Variants in CLCN2 observed in about 807,000 individuals in gnomAD.
The protein encoded by CLCN2 is chloride voltage-gated channel 2.
In CLCN2, 72 loss-of-function variants were observed where a neutral mutation model predicts 108.3. That is an observed-to-expected ratio of 0.66 (90% confidence interval 0.55 to 0.81). The LOEUF is 0.81. Ranked by LOEUF, CLCN2 falls within the 30% of genes least tolerant of loss-of-function variation. CLCN2 has a pLI of 0.00. For missense variants in CLCN2, 1,048 were observed against 1,205.2 expected, an observed-to-expected ratio of 0.87 and a Z score of 1.93; for synonymous variants, 471 against 467.1, an observed-to-expected ratio of 1.01 and a Z score of -0.11.
At position 184,346,192 on chromosome 3, in the gene CLCN2, T is replaced by C; in HGVS notation, c.*414A>G. The C allele has an allele frequency of 4.3e-6, 1 of 232,916 alleles. No homozygotes were observed. The highest frequency in any genetic ancestry group is 6.3e-5 in the South Asian group (1 of 15,968). 14.4% of individuals were successfully genotyped at this position (232,916 alleles called of 1,614,324 possible). A position where few individuals can be genotyped will look rare whatever the true frequency, so the allele number is the denominator to read the frequency against. On this transcript the variant is annotated 3_prime_UTR_variant, in exon 24 of 24. Coordinates refer to ENST00000265593, the MANE Select transcript of CLCN2 (RefSeq NM_004366.6). This position sits in a 1 kb window ranked among gnomAD's most constrained non-coding sequence, Gnocchi z 6.0. ...AGCCAACGGGCACAAGCATTCTATA[T>C]ATAAGTGGCTCATTAGGTGTTTATT... is the stretch of plus-strand genomic sequence containing the variant.
Position 184,355,882 on chromosome 3 carries a change from CA to C in CLCN2, c.1086-105del, listed in dbSNP as rs1361186900. The C allele has an allele frequency of 4.5e-6, 4 of 896,326 alleles. No individual in the cohort carries two copies. The highest frequency in any genetic ancestry group is 7.3e-6 in the Non-Finnish European group (4 of 547,524). The allele number at this position is 896,326 out of a possible 1,614,324, so 55.5% of individuals were successfully genotyped here. On this transcript the variant is annotated intron_variant, in intron 10 of 23. Coordinates refer to ENST00000265593, the MANE Select transcript of CLCN2 (RefSeq NM_004366.6). The surrounding 1 kb of genome is among the most constrained non-coding windows in gnomAD (Gnocchi z 6.3). Reference sequence around the variant, plus strand: ...CAGAGCCTTGGCTCTTTCATGAAAACACTCAGTCCTGACAGAAGGTCTCCTT... The same window carrying C: ...CAGAGCCTTGGCTCTTTCATGAAAACCTCAGTCCTGACAGAAGGTCTCCTT...
In CLCN2 at chr3:184,359,070, C is replaced by T. The variant is rs774868942; in HGVS notation, c.125G>A (p.Arg42His). Residue 42 changes from arginine to histidine, a missense_variant, in exon 2 of 24, where the codon CGC becomes CAC. Coordinates refer to ENST00000265593, the MANE Select transcript of CLCN2 (RefSeq NM_004366.6). ...AFAKEEAARI[R>H]LGGPEPWKGP... The stretch of plus-strand genomic sequence containing the variant: ...TTTCCAGGGTTCAGGCCCTCCCAGG[C>T]GAATCCGAGCAGCTTCCTCTTTGGC... 15 of 1,613,596 alleles carry T rather than the reference C, an allele frequency of 9.3e-6. No homozygotes were observed. Among genetic ancestry groups the T allele is most frequent in the East Asian group, 8.9e-5 (4 of 44,892 alleles).
chr3:184,360,379 G>A (rs972388599), intron 1 of CLCN2, among the ~76,000 whole-genome samples: 1 of 152,048 alleles, frequency 6.6e-6, no homozygotes, highest in Non-Finnish European at 1.5e-5. Flanking sequence ...TCAGAGGCCA[G>A]GTGCCTGGCT....
intron 22 of CLCN2, 80 bp downstream of exon 22, chr3:184,351,933 G>T: frequency 9.4e-7 from 1 of 1,063,424 alleles, no homozygotes; most frequent in South Asian, 1.2e-5. Context: ...ACTGGCCTGA[G>T]TCCAAACTTG....
chr3:184,355,636 G>A lies in CLCN2; in HGVS notation c.1170+58C>T. The stretch of plus-strand genomic sequence containing the variant: ...TCCCACAGTCACACTGGGGCTGTTG[G>A]CTTTGGAGGAATGCCTTCCAAGGGA... On this transcript the variant is annotated intron_variant, in intron 11 of 23. Transcript: ENST00000265593. The surrounding 1 kb of genome is among the most constrained non-coding windows in gnomAD (Gnocchi z 6.3). 1.2e-6 allele frequency: 2 copies of A among 1,604,600 alleles called. No homozygotes were observed. Among genetic ancestry groups the A allele is most frequent in the Non-Finnish European group, 1.7e-6 (2 of 1,171,406 alleles).
rs772617403 is a variant in CLCN2 at position 184,354,927 on chromosome 3, G to A, written c.1373C>T (p.Ala458Val). ...ACCAATGACAAAGACAGGCATGAAG[G>A]CCCCACAGGGAACTGGGATGGTGGT... is the stretch of plus-strand genomic sequence containing the variant. ...LATTIPVPCG[A>V]FMPVFVIGAA... The change falls in exon 13 of 24, where the codon GCC (alanine) becomes GTC (valine). Residue 458 changes from alanine to valine, a missense_variant. Transcript: ENST00000265593. The A allele has an allele frequency of 6.2e-7, 1 of 1,613,964 alleles. No homozygotes were observed. Among genetic ancestry groups the A allele is most frequent in the Non-Finnish European group, 8.5e-7 (1 of 1,179,986 alleles).
intron 1 of CLCN2, among the ~76,000 whole-genome samples, chr3:184,360,330 A>T (rs1711876917): frequency 6.6e-6 from 1 of 151,976 alleles, no homozygotes; most frequent in African/African-American, 2.4e-5. Context: ...GCTGGAAGGG[A>T]CGGAGATGGA....
At chr3:184,348,925 GGTT>G in intron 22 of CLCN2, 1 of 152,200 alleles carries the variant, frequency 6.6e-6, no homozygotes, top group Non-Finnish European at 1.5e-5. Context: ...CAGCCTGATG[GGTT>G]CTTTCTGCCT....
At chr3:184,347,378 C>A in intron 22 of CLCN2, 1 of 376,550 alleles carries the variant, frequency 2.7e-6, no homozygotes, top group Non-Finnish European at 5.1e-6. Flanking sequence ...CTTACATTAT[C>A]ATTTAATTCC....
chr3:184,361,235 AG>A lies in CLCN2; in HGVS notation c.63+181del, dbSNP rs1712052413. ...CCTCTGCAGGCCCTCAGCCTCAGCC[AG>A]AAACCAGCATGCAGTTTTCCATCCC... is the stretch of plus-strand genomic sequence containing the variant. On this transcript the variant is annotated intron_variant, in intron 1 of 23. Coordinates refer to ENST00000265593, the MANE Select transcript of CLCN2 (RefSeq NM_004366.6). This position sits in a 1 kb window ranked among gnomAD's most constrained non-coding sequence, Gnocchi z 6.6. Among the ~76,000 whole-genome samples, 1 of 152,206 alleles carries A rather than the reference AG, an allele frequency of 6.6e-6. No individual in the cohort carries two copies. Among genetic ancestry groups the A allele is most frequent in the South Asian group, 2.1e-4 (1 of 4,828 alleles).
At chr3:184,350,009 T>C (rs956562570) in intron 22 of CLCN2, among the ~76,000 whole-genome samples, 1 of 152,248 alleles carries the variant, frequency 6.6e-6, no homozygotes, top group Admixed American at 6.5e-5. Flanking sequence ...ATTGGGCGAC[T>C]ACCTATTGAT....
chr3:184,355,160 G>A lies in CLCN2; in HGVS notation c.1327-187C>T. 1 of 777,494 alleles carries A rather than the reference G, an allele frequency of 1.3e-6. No individual in the cohort carries two copies. The highest frequency in any genetic ancestry group is 2.2e-6 in the Non-Finnish European group (1 of 453,862). The allele number at this position is 777,494 out of a possible 1,614,324, so 48.2% of individuals were successfully genotyped here. A position where few individuals can be genotyped will look rare whatever the true frequency, so the allele number is the denominator to read the frequency against. ...GATGGCAAGGGGAAGGACTCTGGAAGCAGATGGCTTGGGTTCAGATCATCG... is the reference window on the plus strand; with the variant it reads ...GATGGCAAGGGGAAGGACTCTGGAAACAGATGGCTTGGGTTCAGATCATCG... On this transcript the variant is annotated intron_variant, in intron 12 of 23. Transcript: ENST00000265593. This position sits in a 1 kb window ranked among gnomAD's most constrained non-coding sequence, Gnocchi z 6.3.
chr3:184,358,340 G>A lies in CLCN2; in HGVS notation c.353-30C>T, dbSNP rs1055445754. ...GGGAAGAGGACCTGCTGGACCCCCA[G>A]TGCACACACCCACTGCCTGCCTGGC... On this transcript the variant is annotated intron_variant, in intron 3 of 23. Transcript: ENST00000265593. The A allele has an allele frequency of 3.7e-6, 6 of 1,612,734 alleles. No homozygotes were observed. The African/African-American group carries it at 6.7e-5, about 18-fold the overall frequency.
At position 184,355,062 on chromosome 3, in the gene CLCN2, A is replaced by C; in HGVS notation, c.1327-89T>G. ...CACCCAGGAGAAGTCTACCTCGCTG[A>C]TCAGGTGGGCGTAACCCTCCCAGCC... On this transcript the variant is annotated intron_variant, in intron 12 of 23. Coordinates refer to ENST00000265593, the MANE Select transcript of CLCN2 (RefSeq NM_004366.6). This position sits in a 1 kb window ranked among gnomAD's most constrained non-coding sequence, Gnocchi z 6.3. 1.6e-6 allele frequency: 2 copies of C among 1,289,120 alleles called. No individual in the cohort carries two copies. Among genetic ancestry groups the C allele is most frequent in the Non-Finnish European group, 1.1e-6 (1 of 890,496 alleles). The allele number at this position is 1,289,120 out of a possible 1,614,324, so 79.9% of individuals were successfully genotyped here. A position where few individuals can be genotyped will look rare whatever the true frequency, so the allele number is the denominator to read the frequency against.
chr3:184,354,025 T>C lies in CLCN2; in HGVS notation c.1721+76A>G, dbSNP rs796175896. The C allele has an allele frequency of 6.7e-6, 10 of 1,496,038 alleles. No homozygotes were observed. In the African/African-American group the frequency reaches 1.1e-4, roughly 17 times the overall value. 92.7% of individuals were successfully genotyped at this position (1,496,038 alleles called of 1,614,324 possible). Reference sequence around the variant, plus strand: ...AGCTTCGTAGGCTCCAGGACCTTGCTAGAGGTGGCTGTAGGGGGATCTAGG... The same window carrying C: ...AGCTTCGTAGGCTCCAGGACCTTGCCAGAGGTGGCTGTAGGGGGATCTAGG... On this transcript the variant is annotated intron_variant, in intron 15 of 23. Transcript: ENST00000265593.
chr3:184,358,995 C>T lies in CLCN2; in HGVS notation c.200G>A (p.Ser67Asn). The T allele has an allele frequency of 6.2e-7, 1 of 1,613,638 alleles. No individual in the cohort carries two copies. Among genetic ancestry groups the T allele is most frequent in the East Asian group, 2.2e-5 (1 of 44,888 alleles). ...CTCACCGCGGCATCGGGCGCAACGGCTCCGTCCATATTCCAAGAGCTCTGG... is the reference window on the plus strand; with the variant it reads ...CTCACCGCGGCATCGGGCGCAACGGTTCCGTCCATATTCCAAGAGCTCTGG... ...AAPELLEYGR[S>N]RCARCRVCSV... Residue 67 changes from serine to asparagine, a missense_variant, in exon 2 of 24, where the codon AGC (serine) becomes AAC (asparagine). By Grantham distance (46) the Ser-to-Asn change is conservative (BLOSUM62 1). Transcript: ENST00000265593.
intron 22 of CLCN2, among the ~76,000 whole-genome samples, chr3:184,350,344 C>T (rs752104363): frequency 3.3e-5 from 5 of 152,104 alleles, no homozygotes; most frequent in Non-Finnish European, 7.3e-5. Context: ...GTGACCTCCT[C>T]GCTGCATGCC....
Position 184,361,292 on chromosome 3 carries a change from TCA to T in CLCN2, c.63+123_63+124del, listed in dbSNP as rs1712066746. ...CCCTGCAGCCTCAGACTTCCAAGCCTCAGTTTCCCCAGCTCAAAATGCTAGGA... is the reference window on the plus strand; with the variant it reads ...CCCTGCAGCCTCAGACTTCCAAGCCTGTTTCCCCAGCTCAAAATGCTAGGA... On this transcript the variant is annotated intron_variant, in intron 1 of 23. Transcript: ENST00000265593. The surrounding 1 kb of genome is among the most constrained non-coding windows in gnomAD (Gnocchi z 6.6). 5 of 1,060,762 alleles carry T rather than the reference TCA, an allele frequency of 4.7e-6. No individual in the cohort carries two copies. The South Asian group carries it at 5.0e-5, about 11-fold the overall frequency. 65.7% of individuals were successfully genotyped at this position (1,060,762 alleles called of 1,614,324 possible).
At chr3:184,360,994 G>T (rs1049680466) in intron 1 of CLCN2, among the ~76,000 whole-genome samples, 2 of 152,244 alleles carry the variant, frequency 1.3e-5, no homozygotes, top group Admixed American at 6.5e-5. Flanking sequence ...TCGATTCTAT[G>T]CTTAGCATGG....
Sources: gnomAD v4.1 joint callset for allele counts (sites outside exome capture counted in the v4.1 genomes callset) on GRCh38, gnomAD v4.1.1 for gene constraint, Gnocchi (gnomAD v3.1) non-coding constraint, MANE v1.5 for transcripts, NCBI Gene and HGNC (gene_info 2026-07-23, HGNC 2026-07-21) for gene names.